Variants in LRRIQ1 observed in about 807,000 individuals in gnomAD.
LRRIQ1 encodes the protein leucine rich repeats and IQ motif containing 1.
LRRIQ1 carries 210 observed loss-of-function variants against 211.9 expected under a neutral mutation model. The observed-to-expected ratio is 0.99, with a 90% CI of 0.89 to 1.11. The LOEUF is 1.11. Ranked by LOEUF, LRRIQ1 falls within the 50% of genes most tolerant of loss-of-function variation. LRRIQ1 has a pLI of 0.00. For missense variants in LRRIQ1, 2,136 were observed against 1,939.5 expected, an observed-to-expected ratio of 1.10 and a Z score of -1.90; for synonymous variants, 699 against 650.1, an observed-to-expected ratio of 1.08 and a Z score of -1.14.
chr12:85,251,266 T>C (rs1895936280), intron 1 of LRRIQ1, among the ~76,000 whole-genome samples: 2 of 151,588 alleles, frequency 1.3e-5, no homozygotes, highest in Non-Finnish European at 2.9e-5. Context: ...TGTTTCATCA[T>C]TCTTTTTCTC....
downstream of LRRIQ1, among the ~76,000 whole-genome samples, chr12:85,264,831 C>T (rs138453505): frequency 7.2e-5 from 11 of 152,104 alleles, no homozygotes; most frequent in East Asian, 2.1e-3. Flanking sequence ...TTTGTCCTCT[C>T]CTGTGCTCTA....
chr12:85,042,543 A>T (rs949211838), intron 3 of LRRIQ1, among the ~76,000 whole-genome samples: 2 of 149,098 alleles, frequency 1.3e-5, no homozygotes, highest in South Asian at 2.1e-4. Flanking sequence ...TTAAATTTGA[A>T]TTTATTGAAA....
At chr12:85,061,726 A>G (rs1881827388) in intron 8 of LRRIQ1, among the ~76,000 whole-genome samples, 2 of 151,752 alleles carry the variant, frequency 1.3e-5, no homozygotes, top group African/African-American at 4.8e-5. Flanking sequence ...CAGTTTTCCA[A>G]TTACAGAATG....
chr12:85,066,263 C>A (rs531654192), intron 9 of LRRIQ1, among the ~76,000 whole-genome samples: 67 of 152,024 alleles, frequency 4.4e-4, no homozygotes, highest in Admixed American at 9.2e-4. Context: ...CTTTTCTCAT[C>A]TAAATCAGAT....
At position 85,124,170 on chromosome 12, in the gene LRRIQ1, GT is replaced by G. The variant is rs775818433; in HGVS notation, c.3659del (p.Val1220GlufsTer58). ...CCGACATGCACACGAACGAGGGGAT[GT>G]AACTATCACCAAGAAAGATGAATCA... is the stretch of plus-strand genomic sequence containing the variant. The part of the protein sequence containing the change: ...EYRHAHERGD[V>X]TITKKDESEA... On this transcript the variant is annotated frameshift_variant, in exon 17 of 27. Coordinates refer to ENST00000393217, the MANE Select transcript of LRRIQ1 (RefSeq NM_001079910.2). LOFTEE classifies it high-confidence loss of function. The G allele has an allele frequency of 6.2e-7, 1 of 1,614,106 alleles. No homozygotes were observed. The highest frequency in any genetic ancestry group is 1.7e-5 in the Admixed American group (1 of 60,010).
chr12:85,250,888 A>ATATATATTATAGATTATATATTATAT (rs1895905750), intron 1 of LRRIQ1, among the ~76,000 whole-genome samples: 1 of 90,226 alleles, frequency 1.1e-5, no homozygotes, highest in African/African-American at 4.9e-5. Context: ...ATTATATATA[A>ATATATATTATAGATTATATATTATAT]TATATTTTAT....
intron 24 of LRRIQ1, among the ~76,000 whole-genome samples, chr12:85,216,512 ATTCT>A (rs1894095419): frequency 6.7e-6 from 1 of 150,294 alleles, no homozygotes; most frequent in East Asian, 1.9e-4. Context: ...AATGTATATA[ATTCT>A]TTATATTTCA....
At chr12:85,079,182 G>A (rs529108018) in intron 11 of LRRIQ1, among the ~76,000 whole-genome samples, 129 of 151,662 alleles carry the variant, frequency 8.5e-4, no homozygotes, top group African/African-American at 3.1e-3. Flanking sequence ...AAGCATCTCT[G>A]GGAGGTCTCT....
intron 13 of LRRIQ1, 58 bp from the exon 14 acceptor site, chr12:85,103,946 G>A (rs1886582787): frequency 1.1e-6 from 1 of 910,012 alleles, no homozygotes; most frequent in Non-Finnish European, 1.7e-6. Flanking sequence ...AGTTACAATG[G>A]TAACATTAAG....
chr12:85,093,715 G>A (rs923752425), intron 11 of LRRIQ1, among the ~76,000 whole-genome samples: 5 of 152,134 alleles, frequency 3.3e-5, no homozygotes, highest in African/African-American at 9.7e-5. Flanking sequence ...TGTTCAAGTC[G>A]GCAGATAAAG....
At chr12:85,119,231 A>G (rs973163014) in intron 15 of LRRIQ1, among the ~76,000 whole-genome samples, 1 of 152,170 alleles carries the variant, frequency 6.6e-6, no homozygotes, top group Non-Finnish European at 1.5e-5. Context: ...TGCCTTTTCT[A>G]GAATGTCATT....
At chr12:85,182,299 C>T (rs1459541587) in intron 24 of LRRIQ1, among the ~76,000 whole-genome samples, 2 of 150,318 alleles carry the variant, frequency 1.3e-5, no homozygotes, top group African/African-American at 5.0e-5. Context: ...ACTCATCTCA[C>T]CCAAGTTAAG....
chr12:85,130,227 G>A (rs971639045), intron 18 of LRRIQ1, among the ~76,000 whole-genome samples: 1 of 152,054 alleles, frequency 6.6e-6, no homozygotes, highest in African/African-American at 2.4e-5. Flanking sequence ...CAGTGCATAG[G>A]CAAACCTGTT....
chr12:85,041,205 A>T (rs1366886583), intron 3 of LRRIQ1, among the ~76,000 whole-genome samples: 1 of 151,798 alleles, frequency 6.6e-6, no homozygotes, highest in Non-Finnish European at 1.5e-5. Flanking sequence ...ATTAAATGGC[A>T]TTTATGTATT....
chr12:85,161,685 CT>C (rs1890884921), intron 24 of LRRIQ1, among the ~76,000 whole-genome samples: 1 of 152,056 alleles, frequency 6.6e-6, no homozygotes, highest in African/African-American at 2.4e-5. Context: ...TTACACCATC[CT>C]AGAAATGCCT....
intron 26 of LRRIQ1, among the ~76,000 whole-genome samples, chr12:85,239,389 G>GTA (rs1320442291): frequency 5.7e-5 from 6 of 105,368 alleles, no homozygotes; most frequent in Non-Finnish European, 1.0e-4. Context: ...ACACACACGT[G>GTA]TATATATATA....
At chr12:85,103,668 C>T (rs1886555877) in intron 13 of LRRIQ1, among the ~76,000 whole-genome samples, 1 of 151,402 alleles carries the variant, frequency 6.6e-6, no homozygotes, top group African/African-American at 2.4e-5. Context: ...ACAAAATAAT[C>T]AGAAGAAAAC....
Position 85,153,055 on chromosome 12 carries a change from C to T in LRRIQ1, c.4451C>T (p.Ser1484Leu). The T allele has an allele frequency of 6.3e-7, 1 of 1,579,222 alleles. No individual in the cohort carries two copies. Among genetic ancestry groups the T allele is most frequent in the Non-Finnish European group, 8.6e-7 (1 of 1,156,176 alleles). ...IPGNLKWDDT[S>L]FNLPSNPAQA... ...GGAAACTTAAAATGGGATGATACTT[C>T]ATTTAATTTACCAAGTAATCCAGCT... Residue 1484 changes from serine (S) to leucine (L), a missense_variant, in exon 21 of 27, where the codon TCA becomes TTA. Transcript: ENST00000393217.
chr12:85,257,758 C>G (rs576567976), intron 1 of LRRIQ1, among the ~76,000 whole-genome samples: 20 of 151,818 alleles, frequency 1.3e-4, no homozygotes, highest in Middle Eastern at 6.8e-3. Flanking sequence ...AACTAGAAAC[C>G]ACTCACTCAA....
Sources: gnomAD v4.1 joint callset for allele counts (sites outside exome capture counted in the v4.1 genomes callset) on GRCh38, gnomAD v4.1.1 for gene constraint, MANE v1.5 for transcripts, NCBI Gene and HGNC (gene_info 2026-07-23, HGNC 2026-07-21) for gene names.